The following CIDEA variants were observed in gnomAD, a reference collection of about 807,000 sequenced individuals.
The protein encoded by CIDEA is lipid transferase CIDEA.
Under a neutral mutation model 18.2 loss-of-function variants are expected in CIDEA, and 10 were observed. The observed-to-expected ratio is 0.55, with a 90% CI of 0.34 to 0.93. CIDEA has a LOEUF of 0.93. Ranked by LOEUF, CIDEA falls within the 40% of genes least tolerant of loss-of-function variation. CIDEA has a pLI of 0.02. For synonymous variants in CIDEA, 128 were observed against 124.8 expected (o/e 1.03, Z -0.17); for missense variants, 309 against 293.1 (o/e 1.05, Z -0.40).
Position 12,254,416 on chromosome 18 carries a change from C to G in CIDEA, c.33C>G (p.Leu11=). 1.3e-6 allele frequency: 2 copies of G among 1,588,566 alleles called. No individual in the cohort carries two copies. Among genetic ancestry groups the G allele is most frequent in the South Asian group, 2.3e-5 (2 of 86,088 alleles). Residue 11 remains leucine (L), a synonymous_variant, in exon 1 of 5, where the codon CTC becomes CTG. Transcript: ENST00000320477. ...CCGCCCGGGACTATGCAGGAGCCCT[C>G]ATCAGGCGAGTGCCCCGCGTCCCCC... MEAARDYAGA[L]IRPLTFMGSQ...
At chr18:12,261,258 C>T (rs1393173248) in intron 1 of CIDEA, among the ~76,000 whole-genome samples, 4 of 152,134 alleles carry the variant, frequency 2.6e-5, no homozygotes, top group Admixed American at 2.6e-4. Context: ...GTGGTGCACG[C>T]CTGCAATCCC....
chr18:12,275,516 A>T (rs540664604), intron 4 of CIDEA, among the ~76,000 whole-genome samples: 1 of 152,346 alleles, frequency 6.6e-6, no homozygotes, highest in African/African-American at 2.4e-5. Context: ...TGATTGCAGT[A>T]GAAAGGTCTT....
chr18:12,257,826 C>T (rs1912080774), intron 1 of CIDEA, among the ~76,000 whole-genome samples: 1 of 152,118 alleles, frequency 6.6e-6, no homozygotes, highest in Non-Finnish European at 1.5e-5. Flanking sequence ...TAGGGCCGCT[C>T]AGTGGCCCTG....
chr18:12,265,931 C>T (rs185835849), intron 3 of CIDEA, among the ~76,000 whole-genome samples: 1 of 152,178 alleles, frequency 6.6e-6, no homozygotes, highest in East Asian at 1.9e-4. Context: ...AAATGCTCAC[C>T]CATGGCTAAG....
At chr18:12,276,561 C>A (rs1038238452) in intron 4 of CIDEA, among the ~76,000 whole-genome samples, 4 of 152,214 alleles carry the variant, frequency 2.6e-5, no homozygotes, top group Non-Finnish European at 4.4e-5. Context: ...ACGACAGCCC[C>A]CACACTGGAG....
intron 1 of CIDEA, among the ~76,000 whole-genome samples, chr18:12,256,174 C>G (rs976591031): frequency 1.3e-5 from 2 of 152,186 alleles, no homozygotes; most frequent in Admixed American, 6.5e-5. Context: ...GGGAAAACAC[C>G]TTTTCTTCCC....
intron 3 of CIDEA, among the ~76,000 whole-genome samples, chr18:12,270,658 G>C (rs963623415): frequency 7.6e-6 from 1 of 131,460 alleles, no homozygotes; most frequent in African/African-American, 3.0e-5. Context: ...ATGCACTCCA[G>C]CCTGGGCGAC....
At chr18:12,254,729 C>A (rs922830936) in intron 1 of CIDEA, 1 of 1,459,750 alleles carries the variant, frequency 6.9e-7, no homozygotes, top group Admixed American at 2.1e-5. Flanking sequence ...TGACAGCTGG[C>A]GAGTGGCTGC....
chr18:12,254,450 G>T (rs1312345885), intron 1 of CIDEA, 29 bp downstream of exon 1: 2 of 1,596,244 alleles, frequency 1.3e-6, no homozygotes, highest in Non-Finnish European at 1.7e-6. Flanking sequence ...CCTGATTGCC[G>T]TGCGCTTCCA....
At chr18:12,255,711 G>A (rs1428369398) in intron 1 of CIDEA, among the ~76,000 whole-genome samples, 1 of 152,164 alleles carries the variant, frequency 6.6e-6, no homozygotes, top group African/African-American at 2.4e-5. Flanking sequence ...GGAGGTGTGG[G>A]CTGACTCGCA....
intron 2 of CIDEA, among the ~76,000 whole-genome samples, chr18:12,263,328 C>T (rs1402292275): frequency 6.6e-6 from 1 of 152,108 alleles, no homozygotes; most frequent in Non-Finnish European, 1.5e-5. Flanking sequence ...ATACCAAAAA[C>T]CACTGCACCG....
chr18:12,257,315 T>C (rs977815894), intron 1 of CIDEA, among the ~76,000 whole-genome samples: 1 of 152,182 alleles, frequency 6.6e-6, no homozygotes, highest in Non-Finnish European at 1.5e-5. Flanking sequence ...CACTGCCCCC[T>C]GAATATTCCC....
chr18:12,268,694 G>A (rs1014553661), intron 3 of CIDEA, among the ~76,000 whole-genome samples: 7 of 152,048 alleles, frequency 4.6e-5, no homozygotes, highest in African/African-American at 9.7e-5. Context: ...GAGCCACCCC[G>A]CCCAGCCAAT....
In CIDEA at chr18:12,277,242, A is replaced by G; in HGVS notation, c.632A>G (p.Gln211Arg). 1 of 1,614,130 alleles carries G rather than the reference A, an allele frequency of 6.2e-7. No homozygotes were observed. Among genetic ancestry groups the G allele is most frequent in the Non-Finnish European group, 8.5e-7 (1 of 1,180,004 alleles). ...DKEERPSLRS[Q>R]AKGRFTCG Reference sequence around the variant, plus strand: ...GAAGAGCGGCCATCCCTCCGGTCACAAGCCAAGGGCAGGTTCACGTGTGGA... The same window carrying G: ...GAAGAGCGGCCATCCCTCCGGTCACGAGCCAAGGGCAGGTTCACGTGTGGA... The change falls in exon 5 of 5, where the codon CAA (glutamine) becomes CGA (arginine). Residue 211 changes from glutamine (Q) to arginine (R), a missense_variant. Transcript: ENST00000320477.
chr18:12,260,858 GA>G (rs1206751632), intron 1 of CIDEA, among the ~76,000 whole-genome samples: 1 of 152,110 alleles, frequency 6.6e-6, no homozygotes, highest in Non-Finnish European at 1.5e-5. Context: ...TCATTCTCTT[GA>G]ATGTCCGTGT....
At chr18:12,258,862 C>T (rs554868418) in intron 1 of CIDEA, among the ~76,000 whole-genome samples, 6 of 152,340 alleles carry the variant, frequency 3.9e-5, no homozygotes, top group African/African-American at 1.2e-4. Context: ...GGGACTTCAG[C>T]TAGTTTAAAT....
At chr18:12,265,420 C>T (rs1454539095) in intron 3 of CIDEA, among the ~76,000 whole-genome samples, 2 of 152,244 alleles carry the variant, frequency 1.3e-5, no homozygotes, top group African/African-American at 2.4e-5. Flanking sequence ...ACCCACAGAC[C>T]TCAGGGACAG....
intron 1 of CIDEA, among the ~76,000 whole-genome samples, chr18:12,258,138 C>G (rs770811830): frequency 3.3e-5 from 5 of 152,202 alleles, no homozygotes; most frequent in Non-Finnish European, 7.3e-5. Flanking sequence ...AGTGACGCAG[C>G]TCTTGGTTTG....
At chr18:12,275,292 A>G (rs1905293974) in intron 4 of CIDEA, among the ~76,000 whole-genome samples, 1 of 152,220 alleles carries the variant, frequency 6.6e-6, no homozygotes, top group African/African-American at 2.4e-5. Context: ...ACTGTGAGCC[A>G]TAACCACACC....
Sources: gnomAD v4.1 joint callset for allele counts (sites outside exome capture counted in the v4.1 genomes callset) on GRCh38, gnomAD v4.1.1 for gene constraint, MANE v1.5 for transcripts, NCBI Gene and HGNC (gene_info 2026-07-23, HGNC 2026-07-21) for gene names.